The following GLRA3 variants were observed in gnomAD, a reference collection of about 807,000 sequenced individuals.
The protein encoded by GLRA3 is glycine receptor alpha 3.
A neutral mutation model predicts 60.4 loss-of-function variants in GLRA3; 44 were observed. The observed-to-expected ratio is 0.73, with a 90% CI of 0.57 to 0.94. The LOEUF (loss-of-function observed/expected upper bound fraction) is 0.94. Ranked by LOEUF, GLRA3 falls within the 40% of genes least tolerant of loss-of-function variation. The pLI is 0.00. For synonymous variants in GLRA3, 223 were observed against 192.9 expected (o/e 1.16, Z -1.29); for missense variants, 508 against 564.6 (o/e 0.90, Z 1.02).
At chr4:174,795,750 A>G (rs1354306861) in intron 1 of GLRA3, among the ~76,000 whole-genome samples, 1 of 152,234 alleles carries the variant, frequency 6.6e-6, no homozygotes, top group Non-Finnish European at 1.5e-5. Context: ...AGTAAAGTAT[A>G]TAAAACACAA....
rs189892283 is a variant in GLRA3 at position 174,677,162 on chromosome 4, T to C, written c.843A>G (p.Ala281=). 1.2e-6 allele frequency: 2 copies of C among 1,613,314 alleles called. No homozygotes were observed. The highest frequency in any genetic ancestry group is 2.7e-5 in the African/African-American group (2 of 75,008). The change falls in exon 7 of 10, where the codon GCA becomes GCG. Residue 281 remains alanine, a synonymous_variant. Transcript: ENST00000274093. ...TCCCCAGAGCTACCCTGGCCGGTGC[T>C]GCATCCATGTTGATCCAGAATGAAA... ...SWVSFWINMD[A]APARVALGIT... is the part of the protein sequence containing the mutation.
At chr4:174,710,886 T>C (rs111488080) in intron 5 of GLRA3, among the ~76,000 whole-genome samples, 41 of 152,236 alleles carry the variant, frequency 2.7e-4, no homozygotes, top group African/African-American at 9.9e-4. Context: ...GGACACTCTA[T>C]TGTGTCTTTT....
intron 1 of GLRA3, among the ~76,000 whole-genome samples, chr4:174,789,316 A>G (rs550780653): frequency 2.6e-5 from 4 of 152,340 alleles, no homozygotes; most frequent in African/African-American, 9.6e-5. Flanking sequence ...TCAACTGTGA[A>G]CTACAATCTT....
chr4:174,639,372 ATG>A lies in GLRA3; in HGVS notation c.*4412_*4413del, dbSNP rs10541642. ...AATTCATCTCATTACCAATATGTGTATGTGTGTGTGTGTGTGTGTGTGTGTGT... is the reference window on the plus strand; with the variant it reads ...AATTCATCTCATTACCAATATGTGTATGTGTGTGTGTGTGTGTGTGTGTGT... On this transcript the variant is annotated 3_prime_UTR_variant, in exon 10 of 10. Transcript: ENST00000274093. The A allele has an allele frequency of 0.17, 24,995 of 146,498 alleles. 2,165 individuals are homozygous for A. The highest frequency in any genetic ancestry group is 0.24 in the South Asian group (1,061 of 4,496). 9.1% of individuals were successfully genotyped at this position (146,498 alleles called of 1,614,324 possible).
At chr4:174,823,224 A>G (rs1038309063) in intron 1 of GLRA3, among the ~76,000 whole-genome samples, 4 of 121,936 alleles carry the variant, frequency 3.3e-5, no homozygotes, top group Non-Finnish European at 5.4e-5. Context: ...ACCTAATAAA[A>G]AAACAAAAAA....
chr4:174,654,967 G>C lies in GLRA3; in HGVS notation c.1116+1776C>G, dbSNP rs536801654. Among the ~76,000 whole-genome samples the C allele has an allele frequency of 3.1e-4, 47 of 152,066 alleles. 1 individual carries two copies. The highest frequency in any genetic ancestry group is 6.6e-4 in the Non-Finnish European group (45 of 67,998). ...GGTACCTTCACAGAGGGAAAAGTAAGTTTAAAAAAGCGGTATACAATAACT... is the reference window on the plus strand; with the variant it reads ...GGTACCTTCACAGAGGGAAAAGTAACTTTAAAAAAGCGGTATACAATAACT... On this transcript the variant is annotated intron_variant, in intron 9 of 9. Coordinates refer to ENST00000274093, the MANE Select transcript of GLRA3 (RefSeq NM_006529.4).
chr4:174,661,124 G>A (rs1733418441), intron 7 of GLRA3, among the ~76,000 whole-genome samples: 1 of 152,012 alleles, frequency 6.6e-6, no homozygotes, highest in South Asian at 2.1e-4. Flanking sequence ...TCCCTAAGTG[G>A]TATCGTTTCT....
chr4:174,651,347 T>G (rs7686653), intron 9 of GLRA3, among the ~76,000 whole-genome samples: 1 of 151,932 alleles, frequency 6.6e-6, no homozygotes, highest in African/African-American at 2.4e-5. Flanking sequence ...CTACTTAACT[T>G]TATGATTATT....
chr4:174,810,048 A>G (rs1000773619), intron 1 of GLRA3, among the ~76,000 whole-genome samples: 2 of 152,200 alleles, frequency 1.3e-5, no homozygotes, highest in Non-Finnish European at 2.9e-5. Flanking sequence ...AAAATGTACA[A>G]TGTGTCGAGC....
intron 4 of GLRA3, 119 bp from the exon 5 acceptor site, chr4:174,715,689 C>A: frequency 1.8e-6 from 1 of 544,864 alleles, no homozygotes; most frequent in Non-Finnish European, 3.4e-6. Flanking sequence ...AAAAATTTCT[C>A]CAGCTTATGT....
intron 1 of GLRA3, 43 bp from the exon 2 acceptor site, chr4:174,788,986 T>A (rs747202951): frequency 7.5e-5 from 98 of 1,303,614 alleles, no homozygotes; most frequent in Non-Finnish European, 1.0e-4. Flanking sequence ...AAAAGAAGTA[T>A]TTCTAATAAT....
At chr4:174,815,841 G>A (rs1456103298) in intron 1 of GLRA3, among the ~76,000 whole-genome samples, 3 of 152,110 alleles carry the variant, frequency 2.0e-5, no homozygotes, top group Admixed American at 6.5e-5. Flanking sequence ...GACTTGCCCT[G>A]GAGACATTTT....
chr4:174,784,506 A>T (rs185237993), intron 2 of GLRA3, among the ~76,000 whole-genome samples: 98 of 151,804 alleles, frequency 6.5e-4, no homozygotes, highest in African/African-American at 2.3e-3. Flanking sequence ...AAACACAAAG[A>T]ACCCCTAATA....
At chr4:174,702,365 C>T (rs1211812107) in intron 5 of GLRA3, among the ~76,000 whole-genome samples, 9 of 152,138 alleles carry the variant, frequency 5.9e-5, no homozygotes, top group African/African-American at 9.7e-5. Context: ...TTATAGGCTA[C>T]AGTACAGTAT....
At chr4:174,709,128 G>A (rs1416544357) in intron 5 of GLRA3, among the ~76,000 whole-genome samples, 3 of 151,966 alleles carry the variant, frequency 2.0e-5, no homozygotes, top group African/African-American at 7.2e-5. Flanking sequence ...CATGTTGCTA[G>A]CGCTTCAAAC....
At chr4:174,811,123 G>A (rs943830165) in intron 1 of GLRA3, among the ~76,000 whole-genome samples, 1 of 146,784 alleles carries the variant, frequency 6.8e-6, no homozygotes, top group Non-Finnish European at 1.5e-5. Context: ...ACAGAGAGAT[G>A]CATGCACTCA....
In GLRA3 at chr4:174,643,934, T is replaced by A. The variant is rs554679165; in HGVS notation, c.1247A>T (p.Glu416Val). 6.2e-7 allele frequency: 1 copy of A among 1,614,014 alleles called. No homozygotes were observed. The highest frequency in any genetic ancestry group is 8.5e-7 in the Non-Finnish European group (1 of 1,179,918). ...PVQVMPKSPD[E>V]MRKVFIDRAK... ...CCGGTCGATAAAGACCTTCCTCATT[T>A]CATCAGGACTTTTTGGCATTACCTG... Residue 416 changes from glutamate to valine, a missense_variant, in exon 10 of 10, where the codon GAA becomes GTA. Glu to Val is a moderately radical substitution (Grantham distance 121, BLOSUM62 -2). Around this residue, in one of 3 missense-constraint regions of GLRA3, gnomAD observed 176 missense variants for 197.9 expected, o/e 0.89. Coordinates refer to ENST00000274093, the MANE Select transcript of GLRA3 (RefSeq NM_006529.4).
At chr4:174,698,444 C>T (rs142256778) in intron 5 of GLRA3, among the ~76,000 whole-genome samples, 3 of 152,238 alleles carry the variant, frequency 2.0e-5, no homozygotes, top group Non-Finnish European at 4.4e-5. Flanking sequence ...CCACTTCAGC[C>T]TCCCAAATTG....
chr4:174,743,441 T>G (rs1372597929), intron 3 of GLRA3, among the ~76,000 whole-genome samples: 1 of 152,172 alleles, frequency 6.6e-6, no homozygotes, highest in African/African-American at 2.4e-5. Context: ...TAACACTTTT[T>G]GAGATATACC....
Sources: allele counts gnomAD v4.1 joint callset (sites outside exome capture counted in the v4.1 genomes callset), GRCh38; gene constraint gnomAD v4.1.1; regional missense constraint gnomAD v4.1.1; transcripts MANE v1.5; gene names NCBI Gene and HGNC (gene_info 2026-07-23, HGNC 2026-07-21).